MTUS2: variants seen among roughly 807,000 people sequenced by gnomAD.
MTUS2 encodes microtubule-associated tumor suppressor candidate 2.
MTUS2 carries 40 observed loss-of-function variants against 114.1 expected under a neutral mutation model. The observed-to-expected ratio is 0.35, with a 90% CI of 0.27 to 0.46. The LOEUF (loss-of-function observed/expected upper bound fraction) is 0.46, where lower values mean the gene tolerates loss of function less well. MTUS2 is among the 20% of genes least tolerant of loss of function. The pLI is 1.00. For missense variants in MTUS2, 1,679 were observed against 1,705.4 expected (o/e 0.98, Z 0.27); for synonymous variants, 688 against 672.0 (o/e 1.02, Z -0.37).
chr13:28,930,774 A>G (rs1371815452), intron 2 of MTUS2, among the ~76,000 whole-genome samples: 1 of 152,138 alleles, frequency 6.6e-6, no homozygotes, highest in East Asian at 1.9e-4. Context: ...GATACACTTA[A>G]TGGTGGTTAG....
rs193234556 is a variant in MTUS2 at position 29,440,373 on chromosome 13, G to C, written c.3184+324G>C. Among the ~76,000 whole-genome samples the C allele has an allele frequency of 6.5e-4, 99 of 152,310 alleles. 1 individual carries two copies. The Middle Eastern group carries it at 0.037, about 58-fold the overall frequency. The stretch of plus-strand genomic sequence containing the variant: ...CCTCTTATAAAACGAGGTGCTGTCT[G>C]CAAGATGCAGATGTTCCATGGCTTC... On this transcript the variant is annotated intron_variant, in intron 9 of 15. Transcript: ENST00000612955.
intron 4 of MTUS2, among the ~76,000 whole-genome samples, chr13:29,080,685 G>T (rs1889401174): frequency 6.6e-6 from 1 of 152,114 alleles, no homozygotes. Flanking sequence ...GGGTGAGTCT[G>T]CCTTTCCCAG....
At chr13:28,960,007 C>T (rs1045660049) in intron 2 of MTUS2, among the ~76,000 whole-genome samples, 1 of 152,070 alleles carries the variant, frequency 6.6e-6, no homozygotes, top group African/African-American at 2.4e-5. Context: ...TACCAAAAAC[C>T]AGGAAAATCT....
chr13:29,064,079 T>A (rs1366740200), intron 4 of MTUS2, among the ~76,000 whole-genome samples: 1 of 152,078 alleles, frequency 6.6e-6, no homozygotes, highest in Non-Finnish European at 1.5e-5. Context: ...AGCACTGGGA[T>A]GTGTTGTGGA....
At chr13:29,208,013 C>T (rs1895265315) in intron 5 of MTUS2, among the ~76,000 whole-genome samples, 1 of 152,124 alleles carries the variant, frequency 6.6e-6, no homozygotes, top group Admixed American at 6.5e-5. Flanking sequence ...ACCAATTCTT[C>T]TTTGAATTTC....
intron 5 of MTUS2, among the ~76,000 whole-genome samples, chr13:29,185,960 A>C (rs1894206524): frequency 1.3e-5 from 2 of 152,102 alleles, no homozygotes; most frequent in South Asian, 4.1e-4. Context: ...TAATCCCAGA[A>C]CTTTGGGAGG....
chr13:29,371,981 C>G (rs1471857019), intron 8 of MTUS2, among the ~76,000 whole-genome samples: 2 of 53,588 alleles, frequency 3.7e-5, no homozygotes, highest in Admixed American at 1.9e-4. Context: ...CCCCCGCCCC[C>G]CCCCCCACAC....
chr13:29,499,765 T>C (rs530159209), intron 14 of MTUS2, among the ~76,000 whole-genome samples: 3 of 152,370 alleles, frequency 2.0e-5, no homozygotes, highest in Non-Finnish European at 4.4e-5. Context: ...GGGGCTGATC[T>C]AGGGCCACCC....
At chr13:28,886,382 G>A (rs896214455) in intron 2 of MTUS2, among the ~76,000 whole-genome samples, 8 of 152,156 alleles carry the variant, frequency 5.3e-5, no homozygotes, top group African/African-American at 1.7e-4. Flanking sequence ...AGAGACCTGG[G>A]TCTAGGGTTA....
chr13:29,005,127 C>T (rs1885549724), intron 2 of MTUS2, among the ~76,000 whole-genome samples: 1 of 152,158 alleles, frequency 6.6e-6, no homozygotes, highest in South Asian at 2.1e-4. Flanking sequence ...GTTCCTACAA[C>T]CCCGGCCACT....
At chr13:29,134,782 A>C (rs1384581512) in intron 5 of MTUS2, among the ~76,000 whole-genome samples, 1 of 152,186 alleles carries the variant, frequency 6.6e-6, no homozygotes, top group African/African-American at 2.4e-5. Flanking sequence ...TTTTTAGTAG[A>C]GACGGGGTTT....
chr13:29,004,405 A>G (rs1885517141), intron 2 of MTUS2, among the ~76,000 whole-genome samples: 2 of 152,142 alleles, frequency 1.3e-5, no homozygotes, highest in South Asian at 4.1e-4. Flanking sequence ...ATAACTCCCA[A>G]TGCGTAGTTG....
chr13:29,286,435 C>T (rs1012315322), intron 6 of MTUS2, among the ~76,000 whole-genome samples: 1 of 152,170 alleles, frequency 6.6e-6, no homozygotes, highest in Non-Finnish European at 1.5e-5. Context: ...AGTAAGTTAA[C>T]TCAGCTAGTC....
chr13:29,497,378 G>A (rs368909661), intron 13 of MTUS2, 42 bp downstream of exon 13: 37 of 1,554,302 alleles, frequency 2.4e-5, no homozygotes, highest in African/African-American at 2.2e-4. Context: ...CAGGAACCCC[G>A]CCCCAGCAAG....
chr13:28,904,468 A>G (rs1879854644), intron 2 of MTUS2, among the ~76,000 whole-genome samples: 3 of 152,206 alleles, frequency 2.0e-5, no homozygotes, highest in Admixed American at 2.0e-4. Context: ...AGCTTTCTAC[A>G]TATGGCTAGC....
intron 2 of MTUS2, among the ~76,000 whole-genome samples, chr13:28,949,847 C>T (rs1882722853): frequency 6.6e-6 from 1 of 152,216 alleles, no homozygotes; most frequent in Non-Finnish European, 1.5e-5. Flanking sequence ...TTTTGTTTAT[C>T]TGTTGGTGAA....
chr13:29,072,969 C>T lies in MTUS2; in HGVS notation c.2447-27804C>T, dbSNP rs528124615. 6.6e-5 allele frequency among the ~76,000 whole-genome samples: 10 copies of T among 152,276 alleles called. No individual in the cohort carries two copies. In the East Asian group the frequency reaches 1.9e-3, roughly 29 times the overall value. On this transcript the variant is annotated intron_variant, in intron 4 of 15. Transcript: ENST00000612955. ...TTGTACCTTACCTTTTGCTAATTTC[C>T]TTCTGTTGGTAGCACTTTGTCATGT...
chr13:29,474,605 C>T (rs1593486200), intron 9 of MTUS2, among the ~76,000 whole-genome samples: 1 of 152,084 alleles, frequency 6.6e-6, no homozygotes, highest in Admixed American at 6.5e-5. Flanking sequence ...GTTGCCTTTT[C>T]TTGGTTTAAC....
chr13:28,876,853 C>T (rs1877966117), intron 2 of MTUS2, among the ~76,000 whole-genome samples: 1 of 152,022 alleles, frequency 6.6e-6, no homozygotes, highest in African/African-American at 2.4e-5. Context: ...TAGAACAATC[C>T]CTGGCACATA....
Sources: allele counts gnomAD v4.1 joint callset (sites outside exome capture counted in the v4.1 genomes callset), GRCh38; gene constraint gnomAD v4.1.1; transcripts MANE v1.5; gene names NCBI Gene and HGNC (gene_info 2026-07-23, HGNC 2026-07-21).